Variants in NMRAL1 observed in about 807,000 individuals in gnomAD.
The protein encoded by NMRAL1 is NmrA like redox sensor 1, also known as nmrA-like family domain-containing protein 1.
A neutral mutation model predicts 27.5 loss-of-function variants in NMRAL1; 32 were observed. That is an observed-to-expected ratio of 1.16 (90% CI 0.88 to 1.56). NMRAL1 has a LOEUF of 1.56. NMRAL1 is among the 40% of genes most tolerant of loss of function. The pLI is 0.00. For missense variants in NMRAL1, 420 were observed against 392.0 expected, an observed-to-expected ratio of 1.07 and a Z score of -0.60; for synonymous variants, 166 against 166.8, an observed-to-expected ratio of 1.00 and a Z score of 0.04.
At chr16:4,463,566 GC>G (rs1208242495) in intron 5 of NMRAL1, 93 bp downstream of exon 5, 8 of 1,026,048 alleles carry the variant, frequency 7.8e-6, no homozygotes, top group Non-Finnish European at 1.2e-5. Flanking sequence ...TAGATGTACT[GC>G]CCAGAGGTGT....
chr16:4,472,441 TTAAAAA>T (rs1031479272), intron 2 of NMRAL1, among the ~76,000 whole-genome samples: 1 of 151,514 alleles, frequency 6.6e-6, no homozygotes, highest in African/African-American at 2.4e-5. Context: ...AAACTCTGTC[TTAAAAA>T]TAAAAAAGTA....
chr16:4,476,103 C>T (rs17879291), upstream of NMRAL1: 17,590 of 152,154 alleles, frequency 0.12, 2,121 homozygotes, highest in African/African-American at 0.3. Flanking sequence ...GTTGACAACC[C>T]TATTTCTTAC....
Position 4,469,282 on chromosome 16 carries a change from G to T in NMRAL1, c.224C>A (p.Thr75Asn). ...MELALNGAYA[T>N]FIVTNYWESC... ...CTCCCAGTAATTGGTCACGATGAAG[G>T]TGGCGTAAGCCCCATTCAGGGCCAG... The change falls in exon 3 of 6, where the codon ACC becomes AAC. Residue 75 changes from threonine (T) to asparagine (N), a missense_variant. By Grantham distance (65) the Thr-to-Asn change is moderately conservative (BLOSUM62 0). Coordinates refer to ENST00000283429, the MANE Select transcript of NMRAL1 (RefSeq NM_020677.6). 6.2e-7 allele frequency: 1 copy of T among 1,614,154 alleles called. No individual in the cohort carries two copies. The highest frequency in any genetic ancestry group is 8.5e-7 in the Non-Finnish European group (1 of 1,180,018).
intron 5 of NMRAL1, 88 bp from the exon 6 acceptor site, chr16:4,462,047 C>T (rs964031698): frequency 2.3e-5 from 24 of 1,052,502 alleles, no homozygotes; most frequent in South Asian, 4.4e-5. Flanking sequence ...TGGGGTCTCC[C>T]GACCTGCTAC....
rs2057321177 is a variant in NMRAL1, at chr16:4,466,226, C to T, written c.456G>A (p.Leu152=). 5.6e-6 allele frequency: 9 copies of T among 1,614,170 alleles called. No homozygotes were observed. Among genetic ancestry groups the T allele is most frequent in the Non-Finnish European group, 7.6e-6 (9 of 1,180,042 alleles). ...AGAGGAGGTTCTCAAAATAGCAGGGCAGCCGCACACTGGTCATGGGAACGC... is the reference window on the plus strand; with the variant it reads ...AGAGGAGGTTCTCAAAATAGCAGGGTAGCCGCACACTGGTCATGGGAACGC... The part of the protein sequence containing the change: ...DIGVPMTSVR[L]PCYFENLLSH... Residue 152 remains leucine, a synonymous_variant, in exon 4 of 6, where the codon CTG becomes CTA. Coordinates refer to ENST00000283429, the MANE Select transcript of NMRAL1 (RefSeq NM_020677.6).
chr16:4,468,973 T>A (rs1438815716), intron 3 of NMRAL1, among the ~76,000 whole-genome samples: 7 of 144,654 alleles, frequency 4.8e-5, no homozygotes, highest in Admixed American at 6.9e-5. Context: ...CATTTTTGAT[T>A]AAAAAAAAAA....
In NMRAL1 at chr16:4,461,790, T is replaced by C. The variant is rs763676996; in HGVS notation, c.890A>G (p.Asn297Ser). Residue 297 changes from asparagine (N) to serine (S), a missense_variant, in exon 6 of 6, where the codon AAC (asparagine) becomes AGC (serine). Asn to Ser is a conservative substitution (Grantham distance 46, BLOSUM62 1). Transcript: ENST00000283429. ...CGCGAGGCGGGCAGGTCACAGCAGG[T>C]TGAAGTCCCCTTTGTGCTGTTCCAG... Reference protein sequence around the residue: ...QWLEQHKGDFNLL With the variant: ...QWLEQHKGDFSLL The C allele has an allele frequency of 1.1e-5, 17 of 1,611,978 alleles. No individual in the cohort carries two copies. Among genetic ancestry groups the C allele is most frequent in the South Asian group, 3.3e-5 (3 of 90,874 alleles).
At chr16:4,468,971 A>AT (rs1301524250) in intron 3 of NMRAL1, among the ~76,000 whole-genome samples, 3 of 71,274 alleles carry the variant, frequency 4.2e-5, no homozygotes, top group Non-Finnish European at 1.2e-4. Flanking sequence ...AACATTTTTG[A>AT]TTAAAAAAAA....
chr16:4,470,331 G>C (rs890261110), intron 2 of NMRAL1, among the ~76,000 whole-genome samples: 1 of 151,570 alleles, frequency 6.6e-6, no homozygotes, highest in East Asian at 1.9e-4. Flanking sequence ...TTAGCTAGGC[G>C]TGGTGGCACA....
intron 3 of NMRAL1, chr16:4,467,185 G>C (rs1242090494): frequency 6.6e-6 from 1 of 152,160 alleles, no homozygotes; most frequent in Admixed American, 6.6e-5. Context: ...GGAACACCTG[G>C]AGCCATGAGA....
intron 3 of NMRAL1, 89 bp downstream of exon 3, chr16:4,469,138 G>GGT: frequency 1.2e-6 from 1 of 821,658 alleles, no homozygotes; most frequent in Non-Finnish European, 2.1e-6. Context: ...GGCCTGCAGT[G>GGT]CTCCAACCTC....
intron 4 of NMRAL1, 157 bp from the exon 5 acceptor site, chr16:4,464,007 C>G (rs2057217643): frequency 1.7e-6 from 1 of 579,812 alleles, no homozygotes; most frequent in Non-Finnish European, 3.0e-6. Flanking sequence ...TTTGTGGTAG[C>G]ACAGAGGCAG....
intron 3 of NMRAL1, 33 bp downstream of exon 3, chr16:4,469,194 C>T: frequency 6.6e-7 from 1 of 1,504,028 alleles, no homozygotes. Flanking sequence ...CCTAGCCTGG[C>T]CGGGCCTCCC....
At chr16:4,462,083 C>T in intron 5 of NMRAL1, 124 bp from the exon 6 acceptor site, 1 of 773,634 alleles carries the variant, frequency 1.3e-6, no homozygotes, top group Non-Finnish European at 2.1e-6. Context: ...TGTCTCGGTC[C>T]CTGACCCAGG....
chr16:4,463,894 C>A lies in NMRAL1; in HGVS notation c.530-44G>T, dbSNP rs778720999. 5 of 1,558,354 alleles carry A rather than the reference C, an allele frequency of 3.2e-6. No individual in the cohort carries two copies. In the South Asian group the frequency reaches 4.6e-5, roughly 14 times the overall value. On this transcript the variant is annotated intron_variant, in intron 4 of 5. Coordinates refer to ENST00000283429, the MANE Select transcript of NMRAL1 (RefSeq NM_020677.6). ...AGCTGGTATATGTCCCGAGGGCAGA[C>A]AGGGGCAGGGACAGAGCCCCTCTCC...
chr16:4,466,226 C>A lies in NMRAL1; in HGVS notation c.456G>T (p.Leu152=). The A allele has an allele frequency of 6.2e-7, 1 of 1,614,170 alleles. No homozygotes were observed. The highest frequency in any genetic ancestry group is 1.1e-5 in the South Asian group (1 of 91,086). The change falls in exon 4 of 6, where the codon CTG becomes CTT. Residue 152 remains leucine, a synonymous_variant. Coordinates refer to ENST00000283429, the MANE Select transcript of NMRAL1 (RefSeq NM_020677.6). ...AGAGGAGGTTCTCAAAATAGCAGGG[C>A]AGCCGCACACTGGTCATGGGAACGC... ...DIGVPMTSVR[L]PCYFENLLSH...
At chr16:4,469,702 T>C in intron 2 of NMRAL1, 1 of 756,786 alleles carries the variant, frequency 1.3e-6, no homozygotes, top group South Asian at 2.0e-5. Flanking sequence ...CCCGCCTCTA[T>C]CAAAAAATAC....
chr16:4,474,045 G>A, intron 2 of NMRAL1, 48 bp downstream of exon 2: 1 of 1,519,660 alleles, frequency 6.6e-7, no homozygotes, highest in South Asian at 1.1e-5. Context: ...GGTCTTCAGG[G>A]CTAGGCGCCC....
At chr16:4,475,836 G>C (rs2057808641), upstream of NMRAL1, 2 of 152,162 alleles carry the variant, frequency 1.3e-5, no homozygotes, top group African/African-American at 2.4e-5. Flanking sequence ...CTATTCGGGA[G>C]GTTAAGGCAG....
Sources: gnomAD v4.1 joint callset for allele counts (sites outside exome capture counted in the v4.1 genomes callset) on GRCh38, gnomAD v4.1.1 for gene constraint, MANE v1.5 for transcripts, NCBI Gene and HGNC (gene_info 2026-07-23, HGNC 2026-07-21) for gene names.